Variants in TMEM204 observed in about 807,000 individuals in gnomAD.
TMEM204 encodes the protein transmembrane protein 204.
Under a neutral mutation model 19.4 loss-of-function variants are expected in TMEM204, and 15 were observed. That is an observed-to-expected ratio of 0.77 (90% CI 0.52 to 1.19). The LOEUF is 1.19. TMEM204 is among the 50% of genes most tolerant of loss of function. The pLI, the probability that TMEM204 is intolerant of heterozygous loss-of-function variation, is 0.00. For missense variants in TMEM204, 287 were observed against 321.2 expected (o/e 0.89, Z 0.81); for synonymous variants, 161 against 146.0 (o/e 1.10, Z -0.74).
chr16:1,533,676 C>G lies in TMEM204; in HGVS notation c.-600C>G, dbSNP rs1161434112. 1 of 152,752 alleles carries G rather than the reference C, an allele frequency of 6.5e-6. No individual in the cohort carries two copies. The highest frequency in any genetic ancestry group is 2.4e-5 in the African/African-American group (1 of 41,490). 9.5% of individuals were successfully genotyped at this position (152,752 alleles called of 1,614,324 possible). A position where few individuals can be genotyped will look rare whatever the true frequency, so the allele number is the denominator to read the frequency against. ...AGTCTCAAAAACAACCATTTCCTCT[C>G]TGCTGAGAGCCAGGGAAGGCGAGCT... On this transcript the variant is annotated 5_prime_UTR_variant, in exon 1 of 3. Coordinates refer to ENST00000566264, the MANE Select transcript of TMEM204 (RefSeq NM_024600.6). This position sits in a 1 kb window ranked among gnomAD's most constrained non-coding sequence, Gnocchi z 4.7.
Position 1,555,510 on chromosome 16 carries a change from G to A in TMEM204, c.*484G>A, listed in dbSNP as rs951775163. 3.1e-5 allele frequency: 5 copies of A among 161,198 alleles called. No individual in the cohort carries two copies. Among genetic ancestry groups the A allele is most frequent in the African/African-American group, 9.6e-5 (4 of 41,542 alleles). 10.0% of individuals were successfully genotyped at this position (161,198 alleles called of 1,614,324 possible). Reference sequence around the variant, plus strand: ...GTTAGTGATGGTTTCAGACAGAATCGTGTTCGTGTCTGTTTTGCTCGATTC... The same window carrying A: ...GTTAGTGATGGTTTCAGACAGAATCATGTTCGTGTCTGTTTTGCTCGATTC... On this transcript the variant is annotated 3_prime_UTR_variant, in exon 3 of 3. Transcript: ENST00000566264.
rs892231164 is a variant in TMEM204 at position 1,551,776 on chromosome 16, G to A, written c.437-3006G>A. ...AGGCCACACCACACGTGCGTGGTCC[G>A]GCAGATCCGGCAAGATCAACTCTGC... is the stretch of plus-strand genomic sequence containing the variant. On this transcript the variant is annotated intron_variant, in intron 2 of 2. Coordinates refer to ENST00000566264, the MANE Select transcript of TMEM204 (RefSeq NM_024600.6). This position sits in a 1 kb window ranked among gnomAD's most constrained non-coding sequence, Gnocchi z 4.0. Among the ~76,000 whole-genome samples, 2 of 152,188 alleles carry A rather than the reference G, an allele frequency of 1.3e-5. No individual in the cohort carries two copies. Among genetic ancestry groups the A allele is most frequent in the African/African-American group, 2.4e-5 (1 of 41,444 alleles).
In TMEM204 at chr16:1,534,466, G is replaced by C. The variant is rs1427742860; in HGVS notation, c.191G>C (p.Arg64Thr). 15 of 1,611,192 alleles carry C rather than the reference G, an allele frequency of 9.3e-6. No homozygotes were observed. Among genetic ancestry groups the C allele is most frequent in the East Asian group, 2.2e-5 (1 of 44,874 alleles). The change falls in exon 1 of 3, where the codon AGA (arginine) becomes ACA (threonine). Residue 64 changes from arginine to threonine, a missense_variant. Arg to Thr is a moderately conservative substitution (Grantham distance 71). Transcript: ENST00000566264. Reference protein sequence around the residue: ...RTRGGPSPGARAGQVDAHDCE... With the variant: ...RTRGGPSPGATAGQVDAHDCE... ...CGGGGAGGGCCGAGCCCTGGGGCCA[G>C]AGCCGGCCAGGTGGACGCACATGAC...
chr16:1,546,956 C>T (rs983759391), intron 2 of TMEM204, among the ~76,000 whole-genome samples: 21 of 152,202 alleles, frequency 1.4e-4, no homozygotes, highest in Non-Finnish European at 2.4e-4. Flanking sequence ...GTGAAGTCCC[C>T]GCCGTCCCCC....
At chr16:1,545,468 G>A (rs954173856) in intron 2 of TMEM204, among the ~76,000 whole-genome samples, 1 of 152,262 alleles carries the variant, frequency 6.6e-6, no homozygotes. Context: ...AGGACAGAAA[G>A]TAGCTATGTG....
In TMEM204 at chr16:1,551,433, G is replaced by T. The variant is rs2032627439; in HGVS notation, c.437-3349G>T. On this transcript the variant is annotated intron_variant, in intron 2 of 2. Coordinates refer to ENST00000566264, the MANE Select transcript of TMEM204 (RefSeq NM_024600.6). This position sits in a 1 kb window ranked among gnomAD's most constrained non-coding sequence, Gnocchi z 4.0. ...CCAGTGACTGAGAGGGGTGGAAAGGGCCACTGGGCCCCAGGGTGGCAGAAG... is the reference window on the plus strand; with the variant it reads ...CCAGTGACTGAGAGGGGTGGAAAGGTCCACTGGGCCCCAGGGTGGCAGAAG... Among the ~76,000 whole-genome samples, 1 of 152,178 alleles carries T rather than the reference G, an allele frequency of 6.6e-6. No homozygotes were observed. The highest frequency in any genetic ancestry group is 2.1e-4 in the South Asian group (1 of 4,836).
At position 1,555,258 on chromosome 16, in the gene TMEM204, A is replaced by G; in HGVS notation, c.*232A>G. On this transcript the variant is annotated 3_prime_UTR_variant, in exon 3 of 3. Transcript: ENST00000566264. Reference sequence around the variant, plus strand: ...TGCCTCCAGCTTTCCTGGTTAGCGCAACGCGGCTCCACGACCACACGCACT... The same window carrying G: ...TGCCTCCAGCTTTCCTGGTTAGCGCGACGCGGCTCCACGACCACACGCACT... 1 of 552,030 alleles carries G rather than the reference A, an allele frequency of 1.8e-6. No homozygotes were observed. Among genetic ancestry groups the G allele is most frequent in the Non-Finnish European group, 3.2e-6 (1 of 315,030 alleles). 34.2% of individuals were successfully genotyped at this position (552,030 alleles called of 1,614,324 possible).
chr16:1,553,440 G>A lies in TMEM204; in HGVS notation c.437-1342G>A. 1 of 985,406 alleles carries A rather than the reference G, an allele frequency of 1.0e-6. No individual in the cohort carries two copies. Among genetic ancestry groups the A allele is most frequent in the Non-Finnish European group, 1.2e-6 (1 of 829,926 alleles). 61.0% of individuals were successfully genotyped at this position (985,406 alleles called of 1,614,324 possible). A position where few individuals can be genotyped will look rare whatever the true frequency, so the allele number is the denominator to read the frequency against. On this transcript the variant is annotated intron_variant, in intron 2 of 2. Coordinates refer to ENST00000566264, the MANE Select transcript of TMEM204 (RefSeq NM_024600.6). The surrounding 1 kb of genome is among the most constrained non-coding windows in gnomAD (Gnocchi z 4.4). ...CGGTTGGGAGTGGAGAGACCGGCAT[G>A]AACAGACGCACAGGTGTCAACATGC...
chr16:1,550,843 C>A (rs2032575343), intron 2 of TMEM204, among the ~76,000 whole-genome samples: 1 of 152,258 alleles, frequency 6.6e-6, no homozygotes, highest in African/African-American at 2.4e-5. Flanking sequence ...AGCGCCCTAG[C>A]CGTCTCTGTG....
chr16:1,541,557 G>A, intron 1 of TMEM204: 3 of 961,978 alleles, frequency 3.1e-6, no homozygotes, highest in Non-Finnish European at 3.7e-6. Flanking sequence ...GTTGCTGGTG[G>A]GCTTCCCCTT....
chr16:1,544,912 T>G (rs1190953755), intron 2 of TMEM204, among the ~76,000 whole-genome samples: 1 of 152,206 alleles, frequency 6.6e-6, no homozygotes, highest in East Asian at 1.9e-4. Context: ...CCTCCCAAAG[T>G]GCTGGGATTA....
rs2032627693 is a variant in TMEM204 at position 1,551,436 on chromosome 16, A to G, written c.437-3346A>G. Among the ~76,000 whole-genome samples, 1 of 152,120 alleles carries G rather than the reference A, an allele frequency of 6.6e-6. No individual in the cohort carries two copies. Among genetic ancestry groups the G allele is most frequent in the African/African-American group, 2.4e-5 (1 of 41,414 alleles). The stretch of plus-strand genomic sequence containing the variant: ...GTGACTGAGAGGGGTGGAAAGGGCC[A>G]CTGGGCCCCAGGGTGGCAGAAGGGC... On this transcript the variant is annotated intron_variant, in intron 2 of 2. Transcript: ENST00000566264. The surrounding 1 kb of genome is among the most constrained non-coding windows in gnomAD (Gnocchi z 4.0).
chr16:1,550,168 G>A (rs541428457), intron 2 of TMEM204, among the ~76,000 whole-genome samples: 6 of 152,108 alleles, frequency 3.9e-5, no homozygotes, highest in East Asian at 1.9e-4. Context: ...TCAAACTCCC[G>A]GGCTCAAGCA....
chr16:1,538,979 G>T (rs1215351814), intron 1 of TMEM204, among the ~76,000 whole-genome samples: 1 of 152,134 alleles, frequency 6.6e-6, no homozygotes, highest in Non-Finnish European at 1.5e-5. Context: ...CCCTACCTCA[G>T]GCCTCACCAA....
chr16:1,529,645 A>G (rs569182998), upstream of TMEM204, among the ~76,000 whole-genome samples: 2 of 152,366 alleles, frequency 1.3e-5, no homozygotes, highest in Middle Eastern at 3.4e-3. Flanking sequence ...AGCTCCAGGC[A>G]GGAAGTCACA....
upstream of TMEM204, chr16:1,532,311 C>G (rs542240138): frequency 2.0e-5 from 3 of 152,470 alleles, no homozygotes; most frequent in South Asian, 6.2e-4. Context: ...ACGTCTGCGA[C>G]AAATCCCCGG....
At chr16:1,544,165 C>G (rs1419710432) in intron 2 of TMEM204, among the ~76,000 whole-genome samples, 1 of 139,548 alleles carries the variant, frequency 7.2e-6, no homozygotes, top group Non-Finnish European at 1.7e-5. Context: ...TTGCAGGCAC[C>G]TGCCACCACG....
At chr16:1,536,961 C>T (rs1172156041) in intron 1 of TMEM204, among the ~76,000 whole-genome samples, 1 of 152,248 alleles carries the variant, frequency 6.6e-6, no homozygotes, top group South Asian at 2.1e-4. Context: ...TGCCGTGTGA[C>T]CTAGGCAGGC....
At chr16:1,554,387 G>A (rs66798554) in intron 2 of TMEM204, among the ~76,000 whole-genome samples, 39,803 of 152,112 alleles carry the variant, frequency 0.26, 5,885 homozygotes, top group African/African-American at 0.39. Flanking sequence ...GCTGAGTCTG[G>A]GGGGCTAGGA....
Sources: allele counts gnomAD v4.1 joint callset (sites outside exome capture counted in the v4.1 genomes callset), GRCh38; gene constraint gnomAD v4.1.1; non-coding constraint Gnocchi (gnomAD v3.1); transcripts MANE v1.5; gene names NCBI Gene and HGNC (gene_info 2026-07-23, HGNC 2026-07-21).